The following ZBTB7C variants were observed in gnomAD, a reference collection of about 807,000 sequenced individuals.
The protein encoded by ZBTB7C is zinc finger and BTB domain containing 7C.
ZBTB7C carries 8 observed loss-of-function variants against 25.7 expected under a neutral mutation model. That is an observed-to-expected ratio of 0.31 (90% CI 0.18 to 0.56). The LOEUF (loss-of-function observed/expected upper bound fraction) is 0.56, where lower values mean the gene tolerates loss of function less well. Among genes scored for constraint, ZBTB7C ranks in the 20% least tolerant of loss-of-function variants. ZBTB7C has a pLI of 0.91. For missense variants in ZBTB7C, 824 were observed against 855.2 expected (o/e 0.96, Z 0.46); for synonymous variants, 394 against 369.0 (o/e 1.07, Z -0.78).
chr18:48,256,339 T>C (rs1200321419), intron 2 of ZBTB7C, among the ~76,000 whole-genome samples: 2 of 151,870 alleles, frequency 1.3e-5, no homozygotes, highest in Non-Finnish European at 2.9e-5. Flanking sequence ...TCATACAAAA[T>C]AATGTGGGCA....
chr18:48,170,137 AT>A (rs2145019058), intron 3 of ZBTB7C, among the ~76,000 whole-genome samples: 1 of 152,330 alleles, frequency 6.6e-6, no homozygotes, highest in African/African-American at 2.4e-5. Flanking sequence ...TGGCCTGTGC[AT>A]TGGGGTGATG....
At chr18:48,334,704 T>G (rs2144931412) in intron 2 of ZBTB7C, among the ~76,000 whole-genome samples, 1 of 152,274 alleles carries the variant, frequency 6.6e-6, no homozygotes, top group East Asian at 1.9e-4. Context: ...TTCGTGACAA[T>G]AAGATCTGAA....
chr18:48,409,680 G>C (rs1281997756), upstream of ZBTB7C, among the ~76,000 whole-genome samples: 2 of 152,020 alleles, frequency 1.3e-5, no homozygotes, highest in Admixed American at 1.3e-4. Context: ...GCGGCGCGGC[G>C]GGGGGCGCCC....
rs118156482 is a variant in ZBTB7C, at chr18:48,175,975, T to C, written c.-17+9959A>G. On this transcript the variant is annotated intron_variant, in intron 3 of 4. Coordinates refer to ENST00000590800, the MANE Select transcript of ZBTB7C (RefSeq NM_001318841.2). ...TGTTAATGACTGGATGGGCCAAAAG[T>C]CATCAATGGGTGCTACATCTAGGGA... Among the ~76,000 whole-genome samples, 261 of 152,238 alleles carry C rather than the reference T, an allele frequency of 1.7e-3. 1 individual carries two copies. Among genetic ancestry groups the C allele is most frequent in the Non-Finnish European group, 3.0e-3 (203 of 68,016 alleles).
chr18:48,228,423 C>T (rs1374852498), intron 2 of ZBTB7C, among the ~76,000 whole-genome samples: 1 of 152,152 alleles, frequency 6.6e-6, no homozygotes, highest in Non-Finnish European at 1.5e-5. Flanking sequence ...TGGGTCCTTG[C>T]TATGAGAGAA....
chr18:48,150,454 C>A (rs1358975037), intron 3 of ZBTB7C: 1 of 152,000 alleles, frequency 6.6e-6, no homozygotes, highest in African/African-American at 2.4e-5. Flanking sequence ...TTGTGGCATG[C>A]TCCTGTAATC....
intron 1 of ZBTB7C, among the ~76,000 whole-genome samples, chr18:48,390,437 G>C (rs1421925075): frequency 6.6e-6 from 1 of 152,086 alleles, no homozygotes; most frequent in African/African-American, 2.4e-5. Context: ...TATAACAAAA[G>C]TAAGACATAA....
intron 2 of ZBTB7C, among the ~76,000 whole-genome samples, chr18:48,234,210 T>A (rs115313779): frequency 0.021 from 3,168 of 152,260 alleles, 49 homozygotes; most frequent in African/African-American, 0.041. Context: ...AGCAGACTGC[T>A]TTCTCTCTGA....
chr18:48,297,072 C>T (rs557062825), intron 2 of ZBTB7C, among the ~76,000 whole-genome samples: 74 of 152,244 alleles, frequency 4.9e-4, no homozygotes, highest in African/African-American at 1.8e-3. Flanking sequence ...TTGTCTTCCA[C>T]GAAACCAGTC....
chr18:48,312,135 A>G (rs1361227455), intron 2 of ZBTB7C, among the ~76,000 whole-genome samples: 1 of 152,238 alleles, frequency 6.6e-6, no homozygotes, highest in Non-Finnish European at 1.5e-5. Flanking sequence ...GGTCTCAGGC[A>G]GTGCCCACGT....
intron 3 of ZBTB7C, among the ~76,000 whole-genome samples, chr18:48,058,599 G>A (rs1490427056): frequency 6.6e-6 from 1 of 152,150 alleles, no homozygotes; most frequent in Non-Finnish European, 1.5e-5. Context: ...TCTCCTCTAA[G>A]CTATGTGACT....
chr18:48,030,311 C>G (rs924244795), intron 4 of ZBTB7C, among the ~76,000 whole-genome samples: 1 of 152,114 alleles, frequency 6.6e-6, no homozygotes, highest in Non-Finnish European at 1.5e-5. Context: ...AATCTCATAC[C>G]CACTCTCTCC....
chr18:48,089,403 C>T (rs954354209), intron 3 of ZBTB7C, among the ~76,000 whole-genome samples: 6 of 148,546 alleles, frequency 4.0e-5, no homozygotes, highest in African/African-American at 7.5e-5. Flanking sequence ...ACCCGGGAGG[C>T]GGAGGGTGCA....
chr18:48,187,463 C>G (rs1457885653), intron 2 of ZBTB7C, among the ~76,000 whole-genome samples: 1 of 152,088 alleles, frequency 6.6e-6, no homozygotes, highest in East Asian at 1.9e-4. Flanking sequence ...CACAAAAAGA[C>G]AAATACTGTA....
At chr18:48,272,037 T>C (rs866562527) in intron 2 of ZBTB7C, among the ~76,000 whole-genome samples, 1 of 152,236 alleles carries the variant, frequency 6.6e-6, no homozygotes, top group Non-Finnish European at 1.5e-5. Context: ...AATGATATCA[T>C]TGCTCATGAT....
At chr18:48,097,879 C>CT (rs150686674) in intron 3 of ZBTB7C, among the ~76,000 whole-genome samples, 2,611 of 145,512 alleles carry the variant, frequency 0.018, 79 homozygotes, top group East Asian at 0.17. Flanking sequence ...TTACAAGCAT[C>CT]TTTTTTTTTT....
At chr18:48,137,030 C>T in intron 3 of ZBTB7C, 1 of 985,252 alleles carries the variant, frequency 1.0e-6, no homozygotes, top group Admixed American at 6.1e-5. Flanking sequence ...GGACGCCGCG[C>T]TCGTGCCCGG....
At chr18:48,213,931 G>T (rs113644808) in intron 2 of ZBTB7C, among the ~76,000 whole-genome samples, 29 of 152,338 alleles carry the variant, frequency 1.9e-4, no homozygotes, top group African/African-American at 6.7e-4. Context: ...TTGCACAGCT[G>T]TGACAACGTG....
chr18:48,202,758 G>A (rs1349020097), intron 2 of ZBTB7C, among the ~76,000 whole-genome samples: 1 of 152,028 alleles, frequency 6.6e-6, no homozygotes. Context: ...CTGAACAGAG[G>A]TGGAACACGA....
Sources: gnomAD v4.1 joint callset for allele counts (sites outside exome capture counted in the v4.1 genomes callset) on GRCh38, gnomAD v4.1.1 for gene constraint, MANE v1.5 for transcripts, NCBI Gene and HGNC (gene_info 2026-07-23, HGNC 2026-07-21) for gene names.